Variants in SAXO5 observed in about 807,000 individuals in gnomAD.
SAXO5 encodes the protein stabilizer of axonemal microtubules 5, also known as testis expressed 45.
chr19:7,507,321 G>A, the SAXO5 span, among the ~76,000 whole-genome samples: 1 of 152,124 alleles, frequency 6.6e-6, no homozygotes, highest in African/African-American at 2.4e-5. Context: ...AGTGGTTCAC[G>A]CTTGTAATCC....
chr19:7,505,324 G>A, the SAXO5 span: 3 of 1,613,746 alleles, frequency 1.9e-6, no homozygotes, highest in African/African-American at 2.7e-5. Context: ...CTACGTACAG[G>A]TATGACAAGG....
At chr19:7,498,019 C>T in the SAXO5 span, among the ~76,000 whole-genome samples, 3 of 151,474 alleles carry the variant, frequency 2.0e-5, no homozygotes, top group Non-Finnish European at 4.4e-5. Flanking sequence ...GGCGTGGTGG[C>T]GGACACCTAC....
the SAXO5 span, among the ~76,000 whole-genome samples, chr19:7,502,487 G>C: frequency 6.6e-6 from 1 of 152,142 alleles, no homozygotes; most frequent in Non-Finnish European, 1.5e-5. Flanking sequence ...ATGCTGCCAA[G>C]TATCCTCCCA....
At chr19:7,506,014 G>A in the SAXO5 span, 4 of 1,608,864 alleles carry the variant, frequency 2.5e-6, no homozygotes, top group South Asian at 2.2e-5. Flanking sequence ...ATGAGAAATT[G>A]CAGAGTCATG....
At chr19:7,499,576 T>A in the SAXO5 span, 1 of 152,400 alleles carries the variant, frequency 6.6e-6, no homozygotes, top group Non-Finnish European at 1.5e-5. Context: ...TAGAATGCAG[T>A]GGTTAATTCT....
At chr19:7,505,904 C>A in the SAXO5 span, 90 of 1,480,030 alleles carry the variant, frequency 6.1e-5, no homozygotes, top group Non-Finnish European at 7.3e-5. Flanking sequence ...CTCCTCCCTC[C>A]CCCCCGGGCC....
At chr19:7,502,568 C>T in the SAXO5 span, among the ~76,000 whole-genome samples, 1 of 152,278 alleles carries the variant, frequency 6.6e-6, no homozygotes, top group South Asian at 2.1e-4. Context: ...GTTTCAGCAT[C>T]AGGAGGGTGG....
At chr19:7,504,361 G>A in the SAXO5 span, 12 of 1,614,054 alleles carry the variant, frequency 7.4e-6, no homozygotes, top group African/African-American at 1.3e-5. Flanking sequence ...ATGGATCAAC[G>A]TGTTCGGAGC....
At chr19:7,508,167 C>G in the SAXO5 span, 17 of 1,580,664 alleles carry the variant, frequency 1.1e-5, no homozygotes, top group East Asian at 1.8e-4. Flanking sequence ...CGGCCACCTC[C>G]CAGGCTGCCC....
chr19:7,498,257 C>T, the SAXO5 span, among the ~76,000 whole-genome samples: 17 of 151,218 alleles, frequency 1.1e-4, no homozygotes, highest in Non-Finnish European at 1.6e-4. Flanking sequence ...GTCACCCAGG[C>T]TGGAGTGCGG....
At chr19:7,505,216 C>T in the SAXO5 span, 1 of 1,027,382 alleles carries the variant, frequency 9.7e-7, no homozygotes, top group Middle Eastern at 2.4e-4. Context: ...AGCCTGACCT[C>T]AGGTGATCCA....
the SAXO5 span, chr19:7,508,440 T>G: frequency 6.2e-7 from 1 of 1,603,250 alleles, no homozygotes. Flanking sequence ...AATGCCATCT[T>G]GGCAACATTC....
At chr19:7,504,157 A>G in the SAXO5 span, 1 of 1,614,010 alleles carries the variant, frequency 6.2e-7, no homozygotes, top group Non-Finnish European at 8.5e-7. Flanking sequence ...TACACGAGAC[A>G]AGATGGGACT....
chr19:7,501,330 A>C, the SAXO5 span: 2 of 1,569,022 alleles, frequency 1.3e-6, no homozygotes, highest in African/African-American at 2.8e-5. Context: ...CATCCCGCCC[A>C]CCACGCACCA....
chr19:7,501,305 C>G, the SAXO5 span: 31 of 1,572,686 alleles, frequency 2.0e-5, no homozygotes, highest in Admixed American at 3.5e-4. Context: ...CTCCTGGCGA[C>G]CGCGACAAGT....
the SAXO5 span, among the ~76,000 whole-genome samples, chr19:7,498,184 C>T: frequency 1.3e-5 from 2 of 150,912 alleles, no homozygotes; most frequent in Non-Finnish European, 3.0e-5. Context: ...CACACACACA[C>T]ACACACACAC....
chr19:7,504,020 C>A, the SAXO5 span: 7 of 807,968 alleles, frequency 8.7e-6, no homozygotes, highest in South Asian at 1.1e-4. Flanking sequence ...TGGCCCAGCT[C>A]CCCTTCCCAG....
chr19:7,501,070 A>G, the SAXO5 span: 423 of 1,501,630 alleles, frequency 2.8e-4, 2 homozygotes, highest in African/African-American at 5.4e-3. Flanking sequence ...TCGGAGGCGC[A>G]CCGCGCGTTC....
At chr19:7,508,450 C>A in the SAXO5 span, 1 of 1,587,442 alleles carries the variant, frequency 6.3e-7, no homozygotes, top group Non-Finnish European at 8.6e-7. Context: ...TGGCAACATT[C>A]CACTCTTTCC....
Sources: gnomAD v4.1 joint callset for allele counts (sites outside exome capture counted in the v4.1 genomes callset) on GRCh38, gnomAD v4.1.1 for gene constraint, MANE v1.5 for transcripts, NCBI Gene and HGNC (gene_info 2026-07-23, HGNC 2026-07-21) for gene names.